Variants in ABCA8 observed in about 807,000 individuals in gnomAD.
The protein encoded by ABCA8 is ATP binding cassette subfamily A member 8.
ABCA8 carries 177 observed loss-of-function variants against 192.3 expected under a neutral mutation model. That is an observed-to-expected ratio of 0.92 (90% confidence interval 0.81 to 1.04). The LOEUF is 1.04. Ranked by LOEUF, ABCA8 falls within the 50% of genes least tolerant of loss-of-function variation. The probability of loss-of-function intolerance (pLI) is 0.00; values close to 1 mark genes in which losing one functional copy is unlikely to be tolerated. For missense variants in ABCA8, 1,915 were observed against 1,904.8 expected (o/e 1.01, Z -0.10); for synonymous variants, 642 against 690.2 (o/e 0.93, Z 1.09).
chr17:68,932,285 C>A lies in ABCA8; in HGVS notation c.797+3G>T. On this transcript the variant is annotated splice_donor_region_variant and intron_variant, in intron 7 of 39. Coordinates refer to ENST00000586539, the MANE Select transcript of ABCA8 (RefSeq NM_001288985.2). ...TTATTTATTTGTGCTGCGTTTGACT[C>A]ACCAGAACGCTGAATCCCGAAGACC... 6.2e-7 allele frequency: 1 copy of A among 1,606,234 alleles called. No homozygotes were observed. Among genetic ancestry groups the A allele is most frequent in the South Asian group, 1.1e-5 (1 of 90,846 alleles).
chr17:68,887,242 C>A, intron 25 of ABCA8, 94 bp downstream of exon 25: 1 of 1,336,512 alleles, frequency 7.5e-7, no homozygotes, highest in Non-Finnish European at 1.0e-6. Flanking sequence ...TAATTTATGA[C>A]CATATAAATA....
chr17:68,940,902 C>G lies in ABCA8; in HGVS notation c.157G>C (p.Val53Leu), dbSNP rs752705669. The change falls in exon 4 of 40, where the codon GTA (valine) becomes CTA (leucine). Residue 53 changes from valine (V) to leucine (L), a missense_variant. Physicochemically the swap from Val to Leu is conservative, Grantham distance 32. Coordinates refer to ENST00000586539, the MANE Select transcript of ABCA8 (RefSeq NM_001288985.2). ...CLYIYPHSHQVNDFSSLLTMD... is the reference protein window; with the variant it reads ...CLYIYPHSHQLNDFSSLLTMD... ...GTAAGCAGTGAAGAAAAATCATTTA[C>G]TTGATGACTATGAGGATATATATAC... is the stretch of plus-strand genomic sequence containing the variant. 6.2e-7 allele frequency: 1 copy of G among 1,612,786 alleles called. No homozygotes were observed. The highest frequency in any genetic ancestry group is 8.5e-7 in the Non-Finnish European group (1 of 1,179,020).
chr17:68,951,134 C>A (rs1164133712), intron 1 of ABCA8, among the ~76,000 whole-genome samples: 1 of 152,282 alleles, frequency 6.6e-6, no homozygotes, highest in African/African-American at 2.4e-5. Flanking sequence ...GGAACCACTG[C>A]AGACACCACA....
Position 68,868,088 on chromosome 17 carries a change from A to T in ABCA8, c.4863T>A (p.Pro1621=). ...CAGGAACACAGAATTTGGGGTTTTA[A>T]GGCTCTTCCTGGGGGAGGAGCTTCC... ...VKWKLLPQEE[P] Residue 1621 remains proline, a synonymous_variant, in exon 40 of 40, where the codon CCT becomes CCA. Coordinates refer to ENST00000586539, the MANE Select transcript of ABCA8 (RefSeq NM_001288985.2). 1.2e-6 allele frequency: 2 copies of T among 1,607,300 alleles called. No homozygotes were observed. The highest frequency in any genetic ancestry group is 1.7e-6 in the Non-Finnish European group (2 of 1,177,828).
intron 37 of ABCA8, 29 bp downstream of exon 37, chr17:68,875,231 A>G (rs373821905): frequency 5.6e-6 from 9 of 1,612,088 alleles, no homozygotes; most frequent in Non-Finnish European, 7.6e-6. Flanking sequence ...AACATTTGGT[A>G]CCATTTCCAA....
At position 68,884,423 on chromosome 17, in the gene ABCA8, C is replaced by T; in HGVS notation, c.3550-27G>A. Reference sequence around the variant, plus strand: ...TGCAAAAGAAAAGACAATTGCTAAACAGGGAGTTTTTTGTTTCCTGAATTT... The same window carrying T: ...TGCAAAAGAAAAGACAATTGCTAAATAGGGAGTTTTTTGTTTCCTGAATTT... On this transcript the variant is annotated intron_variant, in intron 27 of 39. Coordinates refer to ENST00000586539, the MANE Select transcript of ABCA8 (RefSeq NM_001288985.2). The T allele has an allele frequency of 5.1e-6, 8 of 1,555,980 alleles. No individual in the cohort carries two copies. The Middle Eastern group carries it at 5.2e-4, about 101-fold the overall frequency.
chr17:68,911,844 A>C lies in ABCA8; in HGVS notation c.2139-3965T>G, dbSNP rs545356010. On this transcript the variant is annotated intron_variant, in intron 17 of 39. Transcript: ENST00000586539. The surrounding 1 kb of genome is among the most constrained non-coding windows in gnomAD (Gnocchi z 5.7). ...ATCCAAAGTATTCTCCAAGAGCACCAAAGTGGTACGTCGAAGAGTCTGCAA... is the reference window on the plus strand; with the variant it reads ...ATCCAAAGTATTCTCCAAGAGCACCCAAGTGGTACGTCGAAGAGTCTGCAA... 6.6e-6 allele frequency among the ~76,000 whole-genome samples: 1 copy of C among 152,164 alleles called. No individual in the cohort carries two copies. Among genetic ancestry groups the C allele is most frequent in the Admixed American group, 6.5e-5 (1 of 15,276 alleles).
chr17:68,938,981 T>A (rs2068151198), intron 4 of ABCA8, among the ~76,000 whole-genome samples: 1 of 152,132 alleles, frequency 6.6e-6, no homozygotes, highest in Non-Finnish European at 1.5e-5. Context: ...AACTAAATAT[T>A]TATACAGAAA....
At chr17:68,873,618 A>T (rs554115003) in intron 37 of ABCA8, among the ~76,000 whole-genome samples, 33 of 152,274 alleles carry the variant, frequency 2.2e-4, no homozygotes, top group African/African-American at 7.2e-4. Context: ...CCATGAACTC[A>T]TTGCCAAGAC....
intron 11 of ABCA8, among the ~76,000 whole-genome samples, chr17:68,923,203 A>ATT (rs200231831): frequency 6.3e-5 from 7 of 111,102 alleles, no homozygotes; most frequent in South Asian, 3.0e-4. Flanking sequence ...TATTATTATT[A>ATT]TTATTTTTTT....
At chr17:68,912,132 A>G (rs1295871929) in intron 17 of ABCA8, among the ~76,000 whole-genome samples, 1 of 152,200 alleles carries the variant, frequency 6.6e-6, no homozygotes, top group East Asian at 1.9e-4. Flanking sequence ...ACCAGGGACC[A>G]ATACCAGAGT....
chr17:68,905,898 T>C (rs1391459494), intron 19 of ABCA8, 146 bp downstream of exon 19: 8 of 698,960 alleles, frequency 1.1e-5, no homozygotes, highest in Non-Finnish European at 1.3e-5. Context: ...TACAAAGCAA[T>C]GTTGACAGGG....
chr17:68,952,271 T>G (rs1239310059), intron 1 of ABCA8, among the ~76,000 whole-genome samples: 2 of 152,146 alleles, frequency 1.3e-5, no homozygotes, highest in Non-Finnish European at 2.9e-5. Flanking sequence ...CAGGCTGGAG[T>G]GCAGTGGTGC....
intron 21 of ABCA8, among the ~76,000 whole-genome samples, chr17:68,896,891 CT>C (rs2066777024): frequency 6.6e-6 from 1 of 152,208 alleles, no homozygotes; most frequent in Admixed American, 6.5e-5. Context: ...TCATGCTAGT[CT>C]TGCTGTTGCA....
At chr17:68,937,726 T>C (rs2068107809) in intron 4 of ABCA8, among the ~76,000 whole-genome samples, 1 of 152,122 alleles carries the variant, frequency 6.6e-6, no homozygotes, top group African/African-American at 2.4e-5. Flanking sequence ...AAGATGAATG[T>C]AGAGGGAGCA....
intron 29 of ABCA8, among the ~76,000 whole-genome samples, 179 bp from the exon 30 acceptor site, chr17:68,882,898 T>C (rs564503101): frequency 2.0e-5 from 3 of 152,340 alleles, no homozygotes; most frequent in African/African-American, 7.2e-5. Context: ...AATATGTTTT[T>C]TTCAATATCA....
At chr17:68,924,664 G>A (rs1448359045) in intron 11 of ABCA8, 37 bp downstream of exon 11, 2 of 1,592,582 alleles carry the variant, frequency 1.3e-6, no homozygotes, top group Non-Finnish European at 1.7e-6. Context: ...TTAGCTTCCT[G>A]CCTTTTTGCC....
chr17:68,949,829 C>A (rs974577667), intron 1 of ABCA8, among the ~76,000 whole-genome samples: 1 of 152,116 alleles, frequency 6.6e-6, no homozygotes, highest in East Asian at 1.9e-4. Context: ...AGAGCCATAG[C>A]CAATATCATA....
At chr17:68,908,297 G>T (rs749899551) in intron 17 of ABCA8, among the ~76,000 whole-genome samples, 1 of 152,140 alleles carries the variant, frequency 6.6e-6, no homozygotes, top group African/African-American at 2.4e-5. Context: ...TTGTTGTATC[G>T]CTTCAAAGGA....
Sources: allele counts gnomAD v4.1 joint callset (sites outside exome capture counted in the v4.1 genomes callset), GRCh38; gene constraint gnomAD v4.1.1; non-coding constraint Gnocchi (gnomAD v3.1); transcripts MANE v1.5; gene names NCBI Gene and HGNC (gene_info 2026-07-23, HGNC 2026-07-21).